IL1R1: variants seen among roughly 807,000 people sequenced by gnomAD.
IL1R1 encodes interleukin 1 receptor type 1, also known as interleukin-1 receptor type 1.
In IL1R1, 22 loss-of-function variants were observed where a neutral mutation model predicts 50.2. That is an observed-to-expected ratio of 0.44 (90% confidence interval 0.31 to 0.63). IL1R1 has a LOEUF of 0.63. IL1R1 is among the 20% of genes least tolerant of loss of function. The pLI, the probability that IL1R1 is intolerant of heterozygous loss-of-function variation, is 0.07. For synonymous variants in IL1R1, 251 were observed against 236.7 expected (o/e 1.06, Z -0.55); for missense variants, 509 against 676.2 (o/e 0.75, Z 2.74).
intron 1 of IL1R1, among the ~76,000 whole-genome samples, chr2:102,117,481 T>C (rs777850408): frequency 6.6e-6 from 1 of 152,224 alleles, no homozygotes; most frequent in Non-Finnish European, 1.5e-5. Context: ...CAAATATTAT[T>C]GTTTAGTGTC....
chr2:102,095,776 G>C (rs56193008), intron 1 of IL1R1, among the ~76,000 whole-genome samples: 1 of 151,966 alleles, frequency 6.6e-6, no homozygotes, highest in Non-Finnish European at 1.5e-5. Context: ...AGGCCGAGGC[G>C]GGCGGATCAT....
At chr2:102,154,094 C>T (rs1210837318) in intron 2 of IL1R1, 77 bp downstream of exon 2, 5 of 152,360 alleles carry the variant, frequency 3.3e-5, no homozygotes, top group Admixed American at 6.5e-5. Flanking sequence ...ACTCTCAGAT[C>T]CAGGGGCCCT....
At chr2:102,166,362 A>G (rs1685181907) in intron 6 of IL1R1, 81 bp downstream of exon 6, 3 of 1,099,412 alleles carry the variant, frequency 2.7e-6, no homozygotes, top group South Asian at 2.1e-5. Flanking sequence ...TTCATTATCC[A>G]TGAAGAAACC....
intron 1 of IL1R1, among the ~76,000 whole-genome samples, chr2:102,090,138 C>T (rs1003835971): frequency 2.7e-5 from 4 of 148,196 alleles, no homozygotes; most frequent in Non-Finnish European, 4.5e-5. Flanking sequence ...CCAGCCTATC[C>T]TTTTTTTTTC....
intron 1 of IL1R1, among the ~76,000 whole-genome samples, chr2:102,105,320 G>C (rs1680341169): frequency 1.9e-5 from 1 of 51,420 alleles, no homozygotes; most frequent in Admixed American, 2.1e-4. Context: ...GTGTTAGAGA[G>C]GCATAACCCA....
chr2:102,085,833 T>C (rs1328862752), intron 1 of IL1R1, among the ~76,000 whole-genome samples: 1 of 152,162 alleles, frequency 6.6e-6, no homozygotes, highest in Non-Finnish European at 1.5e-5. Flanking sequence ...TTTCAATTAT[T>C]GAACATGCTA....
intron 1 of IL1R1, among the ~76,000 whole-genome samples, chr2:102,153,536 T>C (rs925252250): frequency 2.6e-5 from 4 of 152,164 alleles, no homozygotes; most frequent in African/African-American, 9.7e-5. Flanking sequence ...CCCACCCAAA[T>C]CTCATCTAAA....
At chr2:102,106,631 A>G (rs556547665) in intron 1 of IL1R1, among the ~76,000 whole-genome samples, 13 of 152,310 alleles carry the variant, frequency 8.5e-5, no homozygotes, top group African/African-American at 3.1e-4. Context: ...ATAGTAAAAG[A>G]CGAGAAGTAA....
At chr2:102,159,629 C>G (rs1241161245) in intron 3 of IL1R1, among the ~76,000 whole-genome samples, 2 of 152,276 alleles carry the variant, frequency 1.3e-5, no homozygotes, top group East Asian at 3.9e-4. Flanking sequence ...GTTTTTCCAG[C>G]AAACGCCTTG....
intron 1 of IL1R1, among the ~76,000 whole-genome samples, chr2:102,128,703 A>G (rs1681861791): frequency 6.6e-6 from 1 of 152,198 alleles, no homozygotes; most frequent in Non-Finnish European, 1.5e-5. Flanking sequence ...TAAAGAGCAA[A>G]TCTCAAACTC....
At chr2:102,082,548 T>A (rs1225677396) in intron 1 of IL1R1, among the ~76,000 whole-genome samples, 2 of 152,206 alleles carry the variant, frequency 1.3e-5, no homozygotes, top group Admixed American at 6.5e-5. Context: ...GTCATGATAA[T>A]TCCATGCACT....
At chr2:102,162,258 T>C (rs970124407) in intron 3 of IL1R1, among the ~76,000 whole-genome samples, 2 of 152,204 alleles carry the variant, frequency 1.3e-5, no homozygotes, top group African/African-American at 2.4e-5. Context: ...TTCTTTTTAA[T>C]CTATTTTTAC....
At chr2:102,160,010 G>A (rs1277089790) in intron 3 of IL1R1, among the ~76,000 whole-genome samples, 2 of 152,024 alleles carry the variant, frequency 1.3e-5, no homozygotes, top group Non-Finnish European at 2.9e-5. Context: ...CAGTCTTTTT[G>A]TTGCCTTTAT....
At chr2:102,162,385 T>C (rs1279353116) in intron 3 of IL1R1, among the ~76,000 whole-genome samples, 1 of 152,232 alleles carries the variant, frequency 6.6e-6, no homozygotes, top group Non-Finnish European at 1.5e-5. Context: ...GTTTAGACTA[T>C]TTGAAATTTT....
intron 1 of IL1R1, among the ~76,000 whole-genome samples, chr2:102,118,067 G>A (rs543668370): frequency 3.9e-5 from 6 of 152,030 alleles, no homozygotes; most frequent in Non-Finnish European, 7.4e-5. Flanking sequence ...GGAATTTCCT[G>A]GGTGATGGGA....
At chr2:102,078,568 A>ACT (rs1482212731) in intron 1 of IL1R1, among the ~76,000 whole-genome samples, 87 of 131,652 alleles carry the variant, frequency 6.6e-4, no homozygotes, top group African/African-American at 2.4e-3. Flanking sequence ...AACTTCACAC[A>ACT]CACACACACA....
chr2:102,135,825 G>T (rs1192204545), intron 1 of IL1R1, among the ~76,000 whole-genome samples: 1 of 152,196 alleles, frequency 6.6e-6, no homozygotes, highest in Admixed American at 6.5e-5. Flanking sequence ...CAATGTGTGG[G>T]TATTGAGCTC....
chr2:102,109,921 T>C (rs995759339), intron 1 of IL1R1, among the ~76,000 whole-genome samples: 4 of 152,194 alleles, frequency 2.6e-5, no homozygotes, highest in Non-Finnish European at 4.4e-5. Context: ...GTTTAGTGTT[T>C]CCAGTTATAA....
upstream of IL1R1, chr2:102,142,604 G>A (rs1682740639): frequency 6.6e-6 from 1 of 152,004 alleles, no homozygotes; most frequent in Non-Finnish European, 1.5e-5. Flanking sequence ...GCAGGGGTCT[G>A]TCCAGCCGCG....
Sources: gnomAD v4.1 joint callset for allele counts (sites outside exome capture counted in the v4.1 genomes callset) on GRCh38, gnomAD v4.1.1 for gene constraint, MANE v1.5 for transcripts, NCBI Gene and HGNC (gene_info 2026-07-23, HGNC 2026-07-21) for gene names.